Variants in PRKCH observed in about 807,000 individuals in gnomAD.
The protein encoded by PRKCH is protein kinase C eta type.
PRKCH carries 28 observed loss-of-function variants against 82.5 expected under a neutral mutation model. The ratio of observed to expected loss-of-function variants is 0.34; its 90% CI spans 0.25 to 0.47. PRKCH has a LOEUF of 0.47. PRKCH is among the 20% of genes least tolerant of loss of function. PRKCH has a pLI of 1.00. For missense variants in PRKCH, 705 were observed against 881.8 expected (o/e 0.80, Z 2.54); for synonymous variants, 322 against 327.4 (o/e 0.98, Z 0.18).
rs899682036 is a variant in PRKCH at position 61,427,050 on chromosome 14, G to A, written c.428-16061G>A. Among the ~76,000 whole-genome samples the A allele has an allele frequency of 4.6e-5, 7 of 152,096 alleles. No individual in the cohort carries two copies. In the East Asian group the frequency reaches 5.8e-4, roughly 13 times the overall value. The stretch of plus-strand genomic sequence containing the variant: ...TGAGAACATGTGCCCAGGGTGGTTG[G>A]GTTACAGCTTGATTTTATACATTTC... On this transcript the variant is annotated intron_variant, in intron 2 of 13. Coordinates refer to ENST00000332981, the MANE Select transcript of PRKCH (RefSeq NM_006255.5).
At chr14:61,547,366 G>C (rs1198609921) in intron 12 of PRKCH, among the ~76,000 whole-genome samples, 6 of 152,190 alleles carry the variant, frequency 3.9e-5, no homozygotes, top group Non-Finnish European at 8.8e-5. Flanking sequence ...GTTTCTGAAA[G>C]TAGCCCCATT....
chr14:61,383,213 CA>C (rs1463099395), intron 1 of PRKCH, among the ~76,000 whole-genome samples: 1 of 152,114 alleles, frequency 6.6e-6, no homozygotes, highest in Non-Finnish European at 1.5e-5. Context: ...TTATTTTTTA[CA>C]AAGTGCTATC....
intron 1 of PRKCH, among the ~76,000 whole-genome samples, chr14:61,222,173 G>A (rs2044661497): frequency 6.6e-6 from 1 of 152,198 alleles, no homozygotes; most frequent in Non-Finnish European, 1.5e-5. Context: ...CCTCCCAGAG[G>A]CATTGCTTTT....
chr14:61,239,727 G>A (rs1391717526), intron 1 of PRKCH, among the ~76,000 whole-genome samples: 2 of 152,152 alleles, frequency 1.3e-5, no homozygotes, highest in Admixed American at 6.5e-5. Context: ...TAGCTTCTTT[G>A]TTTTGCCCTT....
chr14:61,406,225 G>A (rs562582668), intron 2 of PRKCH, among the ~76,000 whole-genome samples: 4 of 149,888 alleles, frequency 2.7e-5, no homozygotes, highest in African/African-American at 9.9e-5. Context: ...GGAGTGTATT[G>A]CTTTGGTGTA....
intron 1 of PRKCH, among the ~76,000 whole-genome samples, chr14:61,373,870 TG>T (rs1368573571): frequency 5.3e-5 from 8 of 152,152 alleles, no homozygotes; most frequent in Non-Finnish European, 1.0e-4. Flanking sequence ...CCCAAAGTGC[TG>T]GGATTACAGG....
Position 61,326,296 on chromosome 14 carries a change from A to G in PRKCH, c.363+3832A>G, listed in dbSNP as rs142312986. On this transcript the variant is annotated intron_variant, in intron 1 of 13. Transcript: ENST00000332981. ...AACTATTACACATGTAACAACAGGA[A>G]TGAATCTCAGAATAATTATGCTGAG... Among the ~76,000 whole-genome samples, 916 of 152,372 alleles carry G rather than the reference A, an allele frequency of 6.0e-3. 4 individuals are homozygous for G. Among genetic ancestry groups the G allele is most frequent in the African/African-American group, 0.021 (869 of 41,592 alleles).
chr14:61,453,917 CA>C (rs750060932), intron 7 of PRKCH, among the ~76,000 whole-genome samples: 2 of 152,048 alleles, frequency 1.3e-5, no homozygotes, highest in Non-Finnish European at 2.9e-5. Flanking sequence ...TTTGGCCTCC[CA>C]AAGTGTTGGG....
At chr14:61,323,900 C>T (rs972207120) in intron 1 of PRKCH, among the ~76,000 whole-genome samples, 2 of 152,174 alleles carry the variant, frequency 1.3e-5, no homozygotes, top group East Asian at 1.9e-4. Context: ...GGAGTTAGGT[C>T]GGGCAAAGCT....
At chr14:61,290,567 G>A (rs1222876776) in intron 1 of PRKCH, among the ~76,000 whole-genome samples, 1 of 152,174 alleles carries the variant, frequency 6.6e-6, no homozygotes, top group Admixed American at 6.5e-5. Flanking sequence ...GTTTTTCCAA[G>A]ATGTCCTCTG....
chr14:61,240,285 C>G (rs2140065581), intron 1 of PRKCH, among the ~76,000 whole-genome samples: 1 of 152,276 alleles, frequency 6.6e-6, no homozygotes, highest in Admixed American at 6.5e-5. Flanking sequence ...CCACATGCCG[C>G]AGAAAGCAGT....
At chr14:61,403,983 A>AC (rs923669339) in intron 2 of PRKCH, among the ~76,000 whole-genome samples, 1 of 152,090 alleles carries the variant, frequency 6.6e-6, no homozygotes, top group Non-Finnish European at 1.5e-5. Context: ...ATTTCCAGCA[A>AC]CCCCTTATCT....
At chr14:61,501,263 A>G (rs1202166348) in intron 10 of PRKCH, among the ~76,000 whole-genome samples, 2 of 152,184 alleles carry the variant, frequency 1.3e-5, no homozygotes, top group Non-Finnish European at 2.9e-5. Context: ...CAATGAATTT[A>G]CTTGAAAGAC....
At chr14:61,201,164 A>G (rs975813854) in intron 1 of PRKCH, among the ~76,000 whole-genome samples, 11 of 152,208 alleles carry the variant, frequency 7.2e-5, no homozygotes, top group African/African-American at 2.7e-4. Flanking sequence ...GGATTCATTC[A>G]CGTGACCTAA....
chr14:61,278,056 A>G (rs1202587835), intron 1 of PRKCH: 4 of 152,210 alleles, frequency 2.6e-5, no homozygotes, highest in African/African-American at 9.6e-5. Flanking sequence ...CGTTAATTTA[A>G]CCAGAATCAG....
chr14:61,258,547 C>A (rs1040840643), intron 1 of PRKCH, among the ~76,000 whole-genome samples: 1 of 152,144 alleles, frequency 6.6e-6, no homozygotes, highest in Non-Finnish European at 1.5e-5. Flanking sequence ...TGCCACATTC[C>A]TTCAGCTCCT....
intron 1 of PRKCH, among the ~76,000 whole-genome samples, chr14:61,333,217 T>A (rs1187022934): frequency 1.3e-5 from 2 of 152,192 alleles, no homozygotes; most frequent in African/African-American, 4.8e-5. Flanking sequence ...CTTTTGAAAC[T>A]GTTGTCGAGC....
chr14:61,189,737 G>A (rs1042376873), intron 1 of PRKCH, among the ~76,000 whole-genome samples: 1 of 150,582 alleles, frequency 6.6e-6, no homozygotes, highest in Admixed American at 6.6e-5. Flanking sequence ...CTTTTAGGAA[G>A]TTTGACCTTT....
At chr14:61,467,001 C>T (rs905406566) in intron 9 of PRKCH, among the ~76,000 whole-genome samples, 2 of 152,190 alleles carry the variant, frequency 1.3e-5, no homozygotes, top group African/African-American at 4.8e-5. Flanking sequence ...CTCACGTGTG[C>T]TCAGTGTACC....
Sources: allele counts gnomAD v4.1 joint callset (sites outside exome capture counted in the v4.1 genomes callset), GRCh38; gene constraint gnomAD v4.1.1; transcripts MANE v1.5; gene names NCBI Gene and HGNC (gene_info 2026-07-23, HGNC 2026-07-21).